The following RCC1 variants were observed in gnomAD, a reference collection of about 807,000 sequenced individuals.
The protein encoded by RCC1 is regulator of chromosome condensation 1, also known as regulator of chromosome condensation.
Under a neutral mutation model 44.4 loss-of-function variants are expected in RCC1, and 11 were observed. The ratio of observed to expected loss-of-function variants is 0.25; its 90% confidence interval spans 0.16 to 0.41. The LOEUF (loss-of-function observed/expected upper bound fraction) is 0.41. Among genes scored for constraint, RCC1 ranks in the 10% least tolerant of loss-of-function variants. RCC1 has a pLI of 1.00. For missense variants in RCC1, 386 were observed against 547.1 expected (o/e 0.71, Z 2.94); for synonymous variants, 213 against 216.5 (o/e 0.98, Z 0.14).
At position 28,538,161 on chromosome 1, in the gene RCC1, C is replaced by A; in HGVS notation, c.*154C>A. On this transcript the variant is annotated 3_prime_UTR_variant, in exon 13 of 13. Coordinates refer to ENST00000683442, the MANE Select transcript of RCC1 (RefSeq NM_001381865.2). ...ATCAGCAGAACAGAATCCTTTTCCTCTTTTCCTTCCTCCTCTTTGGAATTT... is the reference window on the plus strand; with the variant it reads ...ATCAGCAGAACAGAATCCTTTTCCTATTTTCCTTCCTCCTCTTTGGAATTT... 1.6e-6 allele frequency: 1 copy of A among 640,232 alleles called. No individual in the cohort carries two copies. The highest frequency in any genetic ancestry group is 2.6e-6 in the Non-Finnish European group (1 of 391,428). The allele number at this position is 640,232 out of a possible 1,614,324, so 39.7% of individuals were successfully genotyped here.
chr1:28,507,717 C>T (rs1662122638), intron 1 of RCC1: 3 of 353,216 alleles, frequency 8.5e-6, no homozygotes, highest in Admixed American at 3.8e-5. Flanking sequence ...AGTGATTCTC[C>T]TGCCTTGGCC....
intron 4 of RCC1, among the ~76,000 whole-genome samples, chr1:28,529,362 T>G (rs1420802381): frequency 6.6e-6 from 1 of 151,646 alleles, no homozygotes; most frequent in Non-Finnish European, 1.5e-5. Context: ...TTTTGTATTT[T>G]TAGTAGAGAC....
chr1:28,529,199 T>C (rs1255966582), intron 4 of RCC1, among the ~76,000 whole-genome samples: 1 of 142,632 alleles, frequency 7.0e-6, no homozygotes, highest in East Asian at 2.0e-4. Context: ...TTTTTTTTTT[T>C]TTTTGAGACA....
Position 28,523,498 on chromosome 1 carries a change from C to T in RCC1, c.-9-6360C>T, listed in dbSNP as rs140861414. Among the ~76,000 whole-genome samples, 1,019 of 152,202 alleles carry T rather than the reference C, an allele frequency of 6.7e-3. 4 individuals carry two copies. The highest frequency in any genetic ancestry group is 0.011 in the Non-Finnish European group (764 of 68,012). On this transcript the variant is annotated intron_variant, in intron 4 of 12. Coordinates refer to ENST00000683442, the MANE Select transcript of RCC1 (RefSeq NM_001381865.2). ...GTAGTGAAACGCTCCAGAATATTAG[C>T]CAAACACAACTAAGGAGATGTTGAC...
chr1:28,524,180 G>T (rs1557873682), intron 4 of RCC1, among the ~76,000 whole-genome samples: 1 of 152,178 alleles, frequency 6.6e-6, no homozygotes, highest in Non-Finnish European at 1.5e-5. Flanking sequence ...CATCCTTTCT[G>T]GGATGGCTCC....
intron 3 of RCC1, among the ~76,000 whole-genome samples, chr1:28,511,254 T>C (rs1662516787): frequency 6.6e-6 from 1 of 151,956 alleles, no homozygotes; most frequent in African/African-American, 2.4e-5. Flanking sequence ...AACTACCTCA[T>C]AGAGTTGTAA....
chr1:28,507,886 G>A lies in RCC1; in HGVS notation c.-261-242G>A, dbSNP rs148989811. ...CTCCCAAAATGTTGGGATTACAGGC[G>A]TGAGCCACCACACCTGGCTGGATTG... On this transcript the variant is annotated intron_variant, in intron 1 of 12. Transcript: ENST00000683442. The A allele has an allele frequency of 1.2e-3, 366 of 306,274 alleles. 4 individuals carry two copies. The highest frequency in any genetic ancestry group is 4.1e-3 in the Admixed American group (86 of 21,190). The allele number at this position is 306,274 out of a possible 1,614,324, so 19.0% of individuals were successfully genotyped here.
rs1171005272 is a variant in RCC1 at position 28,538,238 on chromosome 1, A to C, written c.*231A>C. 5 of 454,434 alleles carry C rather than the reference A, an allele frequency of 1.1e-5. No homozygotes were observed. The East Asian group carries it at 1.5e-4, about 14-fold the overall frequency. The allele number at this position is 454,434 out of a possible 1,614,324, so 28.2% of individuals were successfully genotyped here. ...GGATGGACAGGGGGTTTTCAAAAGG[A>C]ACATGGCTCACTCAGAGCTATATGG... On this transcript the variant is annotated 3_prime_UTR_variant, in exon 13 of 13. Transcript: ENST00000683442.
At chr1:28,517,933 C>G (rs1202451875) in intron 4 of RCC1, among the ~76,000 whole-genome samples, 1 of 152,188 alleles carries the variant, frequency 6.6e-6, no homozygotes, top group Non-Finnish European at 1.5e-5. Context: ...TCCATGCCCT[C>G]TTGAGGGTAG....
At chr1:28,535,728 C>A in intron 9 of RCC1, 143 bp from the exon 10 acceptor site, 1 of 935,006 alleles carries the variant, frequency 1.1e-6, no homozygotes, top group Non-Finnish European at 1.7e-6. Flanking sequence ...CTCTTGATCT[C>A]AGTTTCCTTT....
chr1:28,519,992 C>T (rs1663169888), intron 4 of RCC1, among the ~76,000 whole-genome samples: 1 of 152,014 alleles, frequency 6.6e-6, no homozygotes, highest in African/African-American at 2.4e-5. Flanking sequence ...CTGTCTCAGC[C>T]TCCCGAATAG....
chr1:28,532,053 C>T, intron 6 of RCC1, 63 bp downstream of exon 6: 1 of 1,555,498 alleles, frequency 6.4e-7, no homozygotes, highest in Non-Finnish European at 8.7e-7. Flanking sequence ...TGGGGCAGGG[C>T]TTTTGAACCA....
intron 4 of RCC1, among the ~76,000 whole-genome samples, chr1:28,521,069 G>A (rs1475760007): frequency 6.6e-6 from 1 of 151,698 alleles, no homozygotes; most frequent in Non-Finnish European, 1.5e-5. Context: ...ACAGAGTGAG[G>A]CTCCATCTCA....
intron 3 of RCC1, among the ~76,000 whole-genome samples, chr1:28,513,631 T>G (rs1207457733): frequency 6.6e-6 from 1 of 152,040 alleles, no homozygotes; most frequent in African/African-American, 2.4e-5. Context: ...CAGGCCAGAG[T>G]TCAGTGGCAA....
intron 1 of RCC1, chr1:28,507,562 G>A (rs1316065286): frequency 1.9e-6 from 1 of 517,536 alleles, no homozygotes; most frequent in South Asian, 1.4e-5. Flanking sequence ...AAACCATGCA[G>A]GAAACAGCCT....
intron 3 of RCC1, chr1:28,509,920 T>C (rs761400485): frequency 1.3e-5 from 2 of 152,058 alleles, no homozygotes; most frequent in Non-Finnish European, 2.9e-5. Context: ...CAACGGGAGG[T>C]TGTATCCCTA....
rs780513033 is a variant in RCC1 at position 28,508,774 on chromosome 1, G to C, written c.-228-56G>C. ...TGCAGGAAACATATCTAGTATACTA[G>C]ATTTTAAGTTGAAGTAGGATCTTCA... On this transcript the variant is annotated intron_variant, in intron 2 of 12. Transcript: ENST00000683442. The C allele has an allele frequency of 5.8e-5, 30 of 518,888 alleles. 1 individual carries two copies. Among genetic ancestry groups the C allele is most frequent in the South Asian group, 3.9e-4 (28 of 71,572 alleles). The allele number at this position is 518,888 out of a possible 1,614,324, so 32.1% of individuals were successfully genotyped here.
chr1:28,537,796 C>T (rs749835606), intron 12 of RCC1, 36 bp from the exon 13 acceptor site: 1 of 1,583,488 alleles, frequency 6.3e-7, no homozygotes, highest in Non-Finnish European at 8.6e-7. Flanking sequence ...GGCTGGGGAT[C>T]CTGGAGACAG....
chr1:28,507,309 G>A, intron 1 of RCC1: 1 of 511,304 alleles, frequency 2.0e-6, no homozygotes, highest in Non-Finnish European at 3.9e-6. Context: ...GTAGTAACAT[G>A]AATGGATGAA....
Sources: allele counts gnomAD v4.1 joint callset (sites outside exome capture counted in the v4.1 genomes callset), GRCh38; gene constraint gnomAD v4.1.1; transcripts MANE v1.5; gene names NCBI Gene and HGNC (gene_info 2026-07-23, HGNC 2026-07-21).